The following TUNAR variants were observed in gnomAD, a reference collection of about 807,000 sequenced individuals.
The protein encoded by TUNAR is transmembrane neural differentiation associated intracellular calcium regulator, also known as protein TUNAR.
At chr14:95,878,344 TC>T in intron 2 of TUNAR, among the ~76,000 whole-genome samples, 1 of 152,266 alleles carries the variant, frequency 6.6e-6, no homozygotes, top group Non-Finnish European at 1.5e-5. Context: ...TGCATTTAGT[TC>T]CTGAAGGGGC....
chr14:95,879,532 A>AC (rs762685243), intron 2 of TUNAR, among the ~76,000 whole-genome samples: 23 of 152,248 alleles, frequency 1.5e-4, no homozygotes, highest in Non-Finnish European at 2.8e-4. Context: ...TTTGTGTCAT[A>AC]GATCATACTA....
chr14:95,920,439 G>A lies in TUNAR; in HGVS notation c.13-2342G>A, dbSNP rs557875805. Among the ~76,000 whole-genome samples, 10 of 152,176 alleles carry A rather than the reference G, an allele frequency of 6.6e-5. No individual in the cohort carries two copies. The East Asian group carries it at 9.7e-4, about 15-fold the overall frequency. On this transcript the variant is annotated intron_variant, in intron 2 of 2. Coordinates refer to ENST00000678517, the Ensembl canonical transcript of TUNAR. ...CGAGGGGAGAAAAAGCAGGAAAACCGAACGAATCCAACTAGAAGCTTTCCC... is the reference window on the plus strand; with the variant it reads ...CGAGGGGAGAAAAAGCAGGAAAACCAAACGAATCCAACTAGAAGCTTTCCC...
chr14:95,897,112 T>G (rs959467115), intron 2 of TUNAR, among the ~76,000 whole-genome samples: 1 of 152,266 alleles, frequency 6.6e-6, no homozygotes, highest in African/African-American at 2.4e-5. Flanking sequence ...TGATACATCC[T>G]GAATGCTTGC....
intron 2 of TUNAR, among the ~76,000 whole-genome samples, chr14:95,916,891 A>G (rs945201042): frequency 5.9e-5 from 9 of 152,118 alleles, no homozygotes; most frequent in African/African-American, 2.2e-4. Context: ...TAGCTTCTTT[A>G]CGGCTGTTTA....
intron 2 of TUNAR, among the ~76,000 whole-genome samples, chr14:95,888,105 T>A (rs1889107503): frequency 6.6e-6 from 1 of 152,222 alleles, no homozygotes; most frequent in Non-Finnish European, 1.5e-5. Context: ...AATCTGAGCT[T>A]ATCCTCTAAT....
chr14:95,880,459 A>C (rs1157969407), intron 2 of TUNAR, among the ~76,000 whole-genome samples: 2 of 152,172 alleles, frequency 1.3e-5, no homozygotes, highest in Non-Finnish European at 2.9e-5. Context: ...ATCTGAGAGC[A>C]CTAGAATGAG....
intron 2 of TUNAR, among the ~76,000 whole-genome samples, chr14:95,919,944 C>T (rs1052719606): frequency 3.3e-5 from 5 of 151,926 alleles, no homozygotes; most frequent in East Asian, 1.9e-4. Context: ...TATGCTTGCC[C>T]GAATATATAT....
chr14:95,890,290 C>T (rs547251979), intron 2 of TUNAR, among the ~76,000 whole-genome samples: 1 of 152,306 alleles, frequency 6.6e-6, no homozygotes, highest in East Asian at 1.9e-4. Flanking sequence ...CCATCTTGTA[C>T]CCTTTGTCTC....
intron 2 of TUNAR, among the ~76,000 whole-genome samples, chr14:95,877,699 C>T (rs1343262396): frequency 1.3e-5 from 2 of 152,206 alleles, no homozygotes; most frequent in Non-Finnish European, 2.9e-5. Context: ...ACAAACACAC[C>T]TGTCTCATTT....
At chr14:95,899,044 C>T (rs548767511) in intron 2 of TUNAR, among the ~76,000 whole-genome samples, 14 of 152,298 alleles carry the variant, frequency 9.2e-5, no homozygotes, top group Middle Eastern at 3.4e-3. Flanking sequence ...TCCCTTCCCC[C>T]CAAAACTTGA....
intron 2 of TUNAR, among the ~76,000 whole-genome samples, chr14:95,920,673 C>G (rs1889683363): frequency 6.6e-6 from 1 of 152,186 alleles, no homozygotes; most frequent in African/African-American, 2.4e-5. Flanking sequence ...CAGAGCCGCT[C>G]TGTAAGGTGC....
chr14:95,922,512 C>G (rs1471276098), intron 2 of TUNAR, among the ~76,000 whole-genome samples: 1 of 152,210 alleles, frequency 6.6e-6, no homozygotes, highest in Non-Finnish European at 1.5e-5. Context: ...GGAAAACCAG[C>G]TCAACAAAGT....
intron 2 of TUNAR, among the ~76,000 whole-genome samples, chr14:95,880,925 G>A (rs771778957): frequency 2.2e-4 from 33 of 152,194 alleles, no homozygotes; most frequent in Non-Finnish European, 3.8e-4. Flanking sequence ...TGTTCTAGAT[G>A]AGGAACCCAG....
chr14:95,920,472 G>A (rs1037680530), intron 2 of TUNAR, among the ~76,000 whole-genome samples: 1 of 152,176 alleles, frequency 6.6e-6, no homozygotes, highest in Admixed American at 6.5e-5. Flanking sequence ...CCCTAGCTGA[G>A]CTGTGGGAGT....
At chr14:95,909,529 C>T (rs1458029623) in intron 2 of TUNAR, among the ~76,000 whole-genome samples, 3 of 152,122 alleles carry the variant, frequency 2.0e-5, no homozygotes, top group Admixed American at 1.3e-4. Flanking sequence ...GTGATCCACC[C>T]GCCTCAGCCC....
intron 2 of TUNAR, among the ~76,000 whole-genome samples, chr14:95,878,830 C>T (rs1301035157): frequency 6.6e-6 from 1 of 152,206 alleles, no homozygotes; most frequent in Non-Finnish European, 1.5e-5. Flanking sequence ...ATGACATTAG[C>T]TCCTAAGAAC....
At chr14:95,884,445 C>T (rs1207027567) in intron 2 of TUNAR, among the ~76,000 whole-genome samples, 2 of 152,204 alleles carry the variant, frequency 1.3e-5, no homozygotes, top group Non-Finnish European at 2.9e-5. Context: ...CCCTGTGAAG[C>T]TCTGTTTTCT....
At chr14:95,878,866 A>G (rs1259803184) in intron 2 of TUNAR, among the ~76,000 whole-genome samples, 2 of 152,252 alleles carry the variant, frequency 1.3e-5, no homozygotes, top group African/African-American at 2.4e-5. Context: ...CATTAAGAAG[A>G]TGCCCAGCAG....
intron 2 of TUNAR, among the ~76,000 whole-genome samples, chr14:95,884,528 C>A (rs780824674): frequency 1.3e-5 from 2 of 152,234 alleles, no homozygotes; most frequent in African/African-American, 2.4e-5. Flanking sequence ...GTTTCTGGGC[C>A]TGCCCACCAC....
Sources: gnomAD v4.1 joint callset for allele counts (sites outside exome capture counted in the v4.1 genomes callset) on GRCh38, gnomAD v4.1.1 for gene constraint, MANE v1.5 for transcripts, NCBI Gene and HGNC (gene_info 2026-07-23, HGNC 2026-07-21) for gene names.